The following PCDH11X variants were observed in gnomAD, a reference collection of about 807,000 sequenced individuals.
The protein encoded by PCDH11X is protocadherin-11 X-linked.
PCDH11X carries 18 observed loss-of-function variants against 53.3 expected under a neutral mutation model. That is an observed-to-expected ratio of 0.34 (90% CI 0.23 to 0.50). The LOEUF is 0.50. Among genes scored for constraint, PCDH11X ranks in the 20% least tolerant of loss-of-function variants. The pLI is 0.98. For missense variants in PCDH11X, 570 were observed against 1,032.4 expected (o/e 0.55, Z 6.14); for synonymous variants, 279 against 393.3 (o/e 0.71, Z 3.44).
intron 6 of PCDH11X, among the ~76,000 whole-genome samples, chrX:92,131,645 C>T (rs1370598793): frequency 8.9e-6 from 1 of 111,763 alleles, no homozygotes; most frequent in Non-Finnish European, 1.9e-5. Context: ...CATTTAAAGA[C>T]ATAAGTGATT....
At position 92,152,799 on chromosome X, in the gene PCDH11X, T is replaced by G. The variant is rs5942123; in HGVS notation, c.3034-48576T>G. Reference sequence around the variant, plus strand: ...TGTATGTATGTATGTATGTATGTATTTATTTATTTATTTTTTGAGACGGAG... The same window carrying G: ...TGTATGTATGTATGTATGTATGTATGTATTTATTTATTTTTTGAGACGGAG... On this transcript the variant is annotated intron_variant, in intron 6 of 10. Coordinates refer to ENST00000682573, the MANE Select transcript of PCDH11X (RefSeq NM_032968.5). 3.5e-4 allele frequency among the ~76,000 whole-genome samples: 34 copies of G among 96,987 alleles called. 1 individual carries two copies. Among genetic ancestry groups the G allele is most frequent in the Middle Eastern group, 6.1e-3 (1 of 164 alleles). 84.2% of individuals were successfully genotyped at this position (96,987 alleles called of 115,157 possible).
At chrX:92,412,346 C>A (rs2071695261) in intron 9 of PCDH11X, among the ~76,000 whole-genome samples, 1 of 107,663 alleles carries the variant, frequency 9.3e-6, no homozygotes, top group South Asian at 4.1e-4. Context: ...ACTCTATTGG[C>A]ACCTGTAACA....
intron 8 of PCDH11X, among the ~76,000 whole-genome samples, chrX:92,378,382 T>A (rs914050330): frequency 5.5e-5 from 6 of 109,353 alleles, no homozygotes; most frequent in Admixed American, 2.9e-4. Flanking sequence ...ATTAGGGTAG[T>A]CTGACATCAT....
At chrX:92,211,091 A>G (rs2066576666) in intron 7 of PCDH11X, among the ~76,000 whole-genome samples, 1 of 111,786 alleles carries the variant, frequency 8.9e-6, no homozygotes, top group African/African-American at 3.3e-5. Flanking sequence ...AATTTTCTGT[A>G]TGAGTTTATT....
intron 10 of PCDH11X, among the ~76,000 whole-genome samples, chrX:92,601,616 A>G (rs1308802519): frequency 9.0e-6 from 1 of 111,266 alleles, no homozygotes; most frequent in Non-Finnish European, 1.9e-5. Context: ...ACCCATATTC[A>G]TAGCCGCATT....
intron 8 of PCDH11X, among the ~76,000 whole-genome samples, chrX:92,358,768 A>G (rs1164730359): frequency 2.8e-5 from 3 of 105,885 alleles, no homozygotes; most frequent in Non-Finnish European, 3.9e-5. Flanking sequence ...CACCTCTGTT[A>G]GTTTCTTTTA....
intron 6 of PCDH11X, among the ~76,000 whole-genome samples, chrX:91,895,011 A>G (rs1282914213): frequency 1.8e-5 from 2 of 111,228 alleles, no homozygotes; most frequent in Non-Finnish European, 3.8e-5. Flanking sequence ...CTTGACTCAC[A>G]TAATTTCTGT....
chrX:92,062,803 C>T (rs949058084), intron 6 of PCDH11X, among the ~76,000 whole-genome samples: 1 of 111,317 alleles, frequency 9.0e-6, no homozygotes, highest in Admixed American at 9.6e-5. Flanking sequence ...CCTCAAGGAT[C>T]TAGAGCCAGA....
At chrX:92,304,463 A>G (rs1381342664) in intron 8 of PCDH11X, among the ~76,000 whole-genome samples, 3 of 112,050 alleles carry the variant, frequency 2.7e-5, no homozygotes, top group Non-Finnish European at 5.6e-5. Context: ...ACTCAATGAT[A>G]TAAATATGCT....
intron 6 of PCDH11X, among the ~76,000 whole-genome samples, chrX:92,100,483 GC>G (rs1239244050): frequency 9.0e-6 from 1 of 110,582 alleles, no homozygotes; most frequent in East Asian, 2.8e-4. Flanking sequence ...GCCAGGATGA[GC>G]CAGGAAAAGG....
intron 6 of PCDH11X, among the ~76,000 whole-genome samples, chrX:91,958,124 G>T (rs1421946534): frequency 1.8e-5 from 2 of 111,454 alleles, no homozygotes; most frequent in East Asian, 5.7e-4. Context: ...ACAGGGGGCA[G>T]GCTGGAATAG....
At chrX:92,154,125 GTA>G (rs1291206324) in intron 6 of PCDH11X, among the ~76,000 whole-genome samples, 2 of 109,975 alleles carry the variant, frequency 1.8e-5, no homozygotes, top group African/African-American at 6.7e-5. Flanking sequence ...GATGAGGTGT[GTA>G]TATGTAAGTG....
intron 8 of PCDH11X, among the ~76,000 whole-genome samples, chrX:92,277,852 T>C (rs2068142058): frequency 9.1e-6 from 1 of 109,862 alleles, no homozygotes; most frequent in Non-Finnish European, 1.9e-5. Context: ...AGAGAAGAGA[T>C]AGAGACAAGG....
At chrX:92,244,918 A>G (rs1471854335) in intron 7 of PCDH11X, among the ~76,000 whole-genome samples, 2 of 112,127 alleles carry the variant, frequency 1.8e-5, no homozygotes, top group African/African-American at 3.2e-5. Flanking sequence ...AAAAGTACCA[A>G]TGATAAGCAA....
intron 6 of PCDH11X, chrX:91,983,587 C>T (rs948080158): frequency 2.4e-6 from 1 of 419,003 alleles, no homozygotes; most frequent in Non-Finnish European, 4.2e-6. Flanking sequence ...CTAAGTGGAG[C>T]CAGCTGCGGG....
chrX:92,372,880 G>C (rs1457135559), intron 8 of PCDH11X, among the ~76,000 whole-genome samples: 9 of 108,942 alleles, frequency 8.3e-5, no homozygotes, highest in Admixed American at 3.0e-4. Flanking sequence ...ACTTAGATTT[G>C]ATTATACAAT....
intron 10 of PCDH11X, among the ~76,000 whole-genome samples, chrX:92,552,988 A>G (rs1350627066): frequency 4.9e-5 from 3 of 60,953 alleles, no homozygotes; most frequent in Non-Finnish European, 6.8e-5. Context: ...ATTGTCCTGC[A>G]ATTTTCGTGT....
At chrX:92,598,402 C>T (rs184472485) in intron 10 of PCDH11X, among the ~76,000 whole-genome samples, 85 of 110,922 alleles carry the variant, frequency 7.7e-4, no homozygotes, top group African/African-American at 2.7e-3. Flanking sequence ...TGTGAATATA[C>T]ATTTCTCAAA....
At chrX:92,083,958 C>T (rs762677391) in intron 6 of PCDH11X, among the ~76,000 whole-genome samples, 1 of 109,393 alleles carries the variant, frequency 9.1e-6, no homozygotes, top group African/African-American at 3.3e-5. Context: ...TGTGGTGGTG[C>T]ATGCCTGTAA....
Sources: gnomAD v4.1 joint callset for allele counts (sites outside exome capture counted in the v4.1 genomes callset) on GRCh38, gnomAD v4.1.1 for gene constraint, MANE v1.5 for transcripts, NCBI Gene and HGNC (gene_info 2026-07-23, HGNC 2026-07-21) for gene names.